KCNG2: variants seen among roughly 807,000 people sequenced by gnomAD.
The protein encoded by KCNG2 is voltage-gated potassium channel regulatory subunit KCNG2.
A neutral mutation model predicts 12.3 loss-of-function variants in KCNG2; 7 were observed. The observed-to-expected ratio is 0.57, with a 90% confidence interval of 0.32 to 1.07. The LOEUF is 1.07. Among genes scored for constraint, KCNG2 ranks in the 50% least tolerant of loss-of-function variants. The pLI, the probability that KCNG2 is intolerant of heterozygous loss-of-function variation, is 0.04. For missense variants in KCNG2, 703 were observed against 726.0 expected (o/e 0.97, Z 0.36); for synonymous variants, 414 against 351.4 (o/e 1.18, Z -1.99).
chr18:79,839,218 G>C lies in KCNG2; in HGVS notation c.-114-17161G>C, dbSNP rs567172554. ...AGGCTGAAGGGAGAGGATCACTTGA[G>C]CCCAGGTCAAGGCTGCAGTGAGCCA... On this transcript the variant is annotated intron_variant, in intron 1 of 3. Transcript: ENST00000316249. Among the ~76,000 whole-genome samples, 4 of 152,272 alleles carry C rather than the reference G, an allele frequency of 2.6e-5. No homozygotes were observed. In the East Asian group the frequency reaches 7.7e-4, roughly 29 times the overall value.
intron 1 of KCNG2, among the ~76,000 whole-genome samples, chr18:79,827,770 T>A (rs1344597814): frequency 6.6e-6 from 1 of 152,198 alleles, no homozygotes. Context: ...AGTCTCTCCA[T>A]GTGGCTCCAT....
At chr18:79,798,096 G>T (rs972586346) in intron 1 of KCNG2, among the ~76,000 whole-genome samples, 82 bp downstream of exon 1, 1 of 151,812 alleles carries the variant, frequency 6.6e-6, no homozygotes, top group Non-Finnish European at 1.5e-5. Flanking sequence ...TGGGGCGGGG[G>T]GCGCGGGCTC....
intron 2 of KCNG2, among the ~76,000 whole-genome samples, chr18:79,860,663 A>ATG (rs60081220): frequency 1.3e-5 from 2 of 151,468 alleles, no homozygotes; most frequent in African/African-American, 4.9e-5. Context: ...TCTCATAGTG[A>ATG]TGTGTGTGTG....
At chr18:79,798,236 G>T (rs1270252589) in intron 1 of KCNG2, among the ~76,000 whole-genome samples, 327 of 151,956 alleles carry the variant, frequency 2.2e-3, no homozygotes, top group African/African-American at 7.5e-3. Context: ...GCCGGGCGGG[G>T]CTGGTGCCTC....
At position 79,825,478 on chromosome 18, in the gene KCNG2, TCTG is replaced by T. The variant is rs1162145579; in HGVS notation, c.-115+27468_-115+27470del. ...CATAAAAATATCTTTCCTGTCCTTT[TCTG>T]CTGTTTGCTGACGAAATGCCTCTTC... On this transcript the variant is annotated intron_variant, in intron 1 of 3. Coordinates refer to ENST00000316249, the MANE Select transcript of KCNG2 (RefSeq NM_012283.2). 2.0e-5 allele frequency among the ~76,000 whole-genome samples: 3 copies of T among 152,358 alleles called. No homozygotes were observed. In the East Asian group the frequency reaches 5.8e-4, roughly 29 times the overall value.
chr18:79,834,119 C>T (rs941817119), intron 1 of KCNG2, among the ~76,000 whole-genome samples: 1 of 152,118 alleles, frequency 6.6e-6, no homozygotes, highest in African/African-American at 2.4e-5. Flanking sequence ...GTGTCGAGGT[C>T]GGTATCAGTG....
At chr18:79,842,447 A>T (rs780997716) in intron 1 of KCNG2, among the ~76,000 whole-genome samples, 3 of 152,252 alleles carry the variant, frequency 2.0e-5, no homozygotes, top group African/African-American at 7.2e-5. Context: ...GGGCACAAGG[A>T]TCATGAATAA....
intron 3 of KCNG2, among the ~76,000 whole-genome samples, chr18:79,882,659 C>G (rs1010409078): frequency 4.6e-5 from 7 of 152,378 alleles, no homozygotes; most frequent in Admixed American, 1.3e-4. Context: ...AAAAACCAGC[C>G]GAGAGCAGCA....
intron 1 of KCNG2, among the ~76,000 whole-genome samples, chr18:79,854,434 G>A (rs1461558158): frequency 6.6e-6 from 1 of 152,158 alleles, no homozygotes; most frequent in Non-Finnish European, 1.5e-5. Context: ...GCCCAGGGGT[G>A]CACGATTCCT....
intron 1 of KCNG2, among the ~76,000 whole-genome samples, chr18:79,805,260 C>T (rs759629526): frequency 1.6e-4 from 24 of 152,208 alleles, no homozygotes; most frequent in East Asian, 9.6e-4. Context: ...TCCGCCTCAC[C>T]GCACTGCATT....
intron 1 of KCNG2, among the ~76,000 whole-genome samples, chr18:79,840,980 A>G (rs1193644875): frequency 6.6e-6 from 1 of 152,228 alleles, no homozygotes; most frequent in Non-Finnish European, 1.5e-5. Context: ...CAAAAATAAC[A>G]AGAGAAGCCT....
At chr18:79,894,083 G>C (rs181506607) in intron 3 of KCNG2, among the ~76,000 whole-genome samples, 2 of 151,806 alleles carry the variant, frequency 1.3e-5, no homozygotes, top group South Asian at 2.1e-4. Flanking sequence ...GCTTTTGATT[G>C]GGTTGTTCAC....
In KCNG2 at chr18:79,803,671, C is replaced by T. The variant is rs2087428117; in HGVS notation, c.-115+5657C>T. Reference sequence around the variant, plus strand: ...GCTTCTGCTGGGCTGACGGAGGAGGCGTTTTCTCCCATCCCGCCCCAGCAG... The same window carrying T: ...GCTTCTGCTGGGCTGACGGAGGAGGTGTTTTCTCCCATCCCGCCCCAGCAG... On this transcript the variant is annotated intron_variant, in intron 1 of 3. Transcript: ENST00000316249. The surrounding 1 kb of genome is among the most constrained non-coding windows in gnomAD (Gnocchi z 4.5). Among the ~76,000 whole-genome samples the T allele has an allele frequency of 6.6e-6, 1 of 152,168 alleles. No individual in the cohort carries two copies. Among genetic ancestry groups the T allele is most frequent in the Non-Finnish European group, 1.5e-5 (1 of 68,020 alleles).
intron 3 of KCNG2, among the ~76,000 whole-genome samples, chr18:79,866,329 T>TGA (rs71287538): frequency 3.3e-5 from 4 of 121,098 alleles, no homozygotes; most frequent in East Asian, 2.9e-4. Context: ...GTCTGGGTGC[T>TGA]GAGGTCTGTG....
chr18:79,887,958 C>T (rs1051454850), intron 3 of KCNG2, among the ~76,000 whole-genome samples: 4 of 152,078 alleles, frequency 2.6e-5, no homozygotes, highest in Admixed American at 6.5e-5. Context: ...GCCACCGTCT[C>T]GGGCTCACAG....
At chr18:79,819,913 C>G (rs985811428) in intron 1 of KCNG2, among the ~76,000 whole-genome samples, 1 of 152,250 alleles carries the variant, frequency 6.6e-6, no homozygotes, top group African/African-American at 2.4e-5. Context: ...ATGAACCCCG[C>G]TATTCTAGGG....
intron 3 of KCNG2, among the ~76,000 whole-genome samples, chr18:79,879,060 C>G (rs1230909619): frequency 6.6e-6 from 1 of 152,236 alleles, no homozygotes; most frequent in African/African-American, 2.4e-5. Flanking sequence ...ATGTGGGGGT[C>G]AGGCTCCTGG....
intron 3 of KCNG2, among the ~76,000 whole-genome samples, chr18:79,872,627 T>C (rs1208223403): frequency 6.6e-6 from 1 of 152,168 alleles, no homozygotes; most frequent in Non-Finnish European, 1.5e-5. Context: ...CGGTCTCTCT[T>C]CTTGCTGCAG....
intron 1 of KCNG2, among the ~76,000 whole-genome samples, chr18:79,826,069 C>G (rs1297697127): frequency 2.0e-5 from 3 of 152,256 alleles, no homozygotes; most frequent in Non-Finnish European, 4.4e-5. Flanking sequence ...GGGCCTGTGC[C>G]CTGCCGGCCG....
Sources: gnomAD v4.1 joint callset for allele counts (sites outside exome capture counted in the v4.1 genomes callset) on GRCh38, gnomAD v4.1.1 for gene constraint, Gnocchi (gnomAD v3.1) non-coding constraint, MANE v1.5 for transcripts, NCBI Gene and HGNC (gene_info 2026-07-23, HGNC 2026-07-21) for gene names.